TRPM6: variants seen among roughly 807,000 people sequenced by gnomAD.
TRPM6 encodes the protein transient receptor potential cation channel subfamily M member 6.
In TRPM6, 111 loss-of-function variants were observed where a neutral mutation model predicts 247.6. That is an observed-to-expected ratio of 0.45 (90% confidence interval 0.38 to 0.52). The LOEUF is 0.52. Among genes scored for constraint, TRPM6 ranks in the 20% least tolerant of loss-of-function variants. The pLI, the probability that TRPM6 is intolerant of heterozygous loss-of-function variation, is 0.00. For synonymous variants in TRPM6, 892 were observed against 853.8 expected, an observed-to-expected ratio of 1.04 and a Z score of -0.78; for missense variants, 2,126 against 2,421.5, an observed-to-expected ratio of 0.88 and a Z score of 2.56.
At chr9:74,745,890 T>C (rs1335563738) in intron 31 of TRPM6, among the ~76,000 whole-genome samples, 1 of 152,140 alleles carries the variant, frequency 6.6e-6, no homozygotes, top group Non-Finnish European at 1.5e-5. Context: ...AAAAGACTAC[T>C]AGAGAACAAT....
chr9:74,851,574 C>T (rs982259894), intron 3 of TRPM6, among the ~76,000 whole-genome samples: 1 of 151,300 alleles, frequency 6.6e-6, no homozygotes, highest in African/African-American at 2.4e-5. Flanking sequence ...ATGGTGAAAC[C>T]CCATCTCTGC....
chr9:74,738,312 T>C (rs984938386), intron 36 of TRPM6, 95 bp downstream of exon 36: 3 of 1,311,338 alleles, frequency 2.3e-6, no homozygotes, highest in Admixed American at 3.5e-5. Flanking sequence ...CAAAGCTAAA[T>C]AGAGCAACTC....
chr9:74,759,314 GAAAGA>G (rs1000860463), intron 27 of TRPM6, among the ~76,000 whole-genome samples: 2 of 3,160 alleles, frequency 6.3e-4, no homozygotes, highest in Non-Finnish European at 1.2e-3. Context: ...TTTTGAAAAA[GAAAGA>G]AAAATTGACC....
intron 27 of TRPM6, among the ~76,000 whole-genome samples, chr9:74,758,390 G>A (rs1427653874): frequency 6.6e-6 from 1 of 151,990 alleles, no homozygotes; most frequent in African/African-American, 2.4e-5. Flanking sequence ...GAAAAGTTTA[G>A]CAAAATGAAT....
At chr9:74,783,189 A>G (rs1422794930) in intron 21 of TRPM6, among the ~76,000 whole-genome samples, 1 of 49,146 alleles carries the variant, frequency 2.0e-5, no homozygotes, top group East Asian at 4.0e-4. Context: ...TAGGAAAATA[A>G]AAAAAAAAAA....
At position 74,724,149 on chromosome 9, in the gene TRPM6, G is replaced by A. The variant is rs536043740; in HGVS notation, c.*464C>T. The A allele has an allele frequency of 5.2e-6, 1 of 193,654 alleles. No individual in the cohort carries two copies. Among genetic ancestry groups the A allele is most frequent in the African/African-American group, 2.3e-5 (1 of 42,626 alleles). 12.0% of individuals were successfully genotyped at this position (193,654 alleles called of 1,614,324 possible). On this transcript the variant is annotated 3_prime_UTR_variant, in exon 39 of 39. Transcript: ENST00000360774. ...GTCCTATGTTGTGGAAAAGACAGAG[G>A]AGGAAATCACATAACTTTTTATGAA...
At chr9:74,724,822 G>A (rs1427697873) in intron 38 of TRPM6, 76 bp from the exon 39 acceptor site, 2 of 1,591,356 alleles carry the variant, frequency 1.3e-6, no homozygotes, top group African/African-American at 1.3e-5. Flanking sequence ...TGGGACTTTA[G>A]GCTTTGCCAA....
At chr9:74,879,193 A>G (rs1831283318) in intron 1 of TRPM6, among the ~76,000 whole-genome samples, 1 of 151,894 alleles carries the variant, frequency 6.6e-6, no homozygotes, top group Non-Finnish European at 1.5e-5. Flanking sequence ...AAAATATATT[A>G]GAAAGCTTCA....
intron 38 of TRPM6, 44 bp from the exon 39 acceptor site, chr9:74,724,790 AC>A: frequency 6.2e-7 from 1 of 1,613,294 alleles, no homozygotes; most frequent in East Asian, 2.2e-5. Context: ...AACCCCAAGA[AC>A]CTACTGTTCA....
chr9:74,802,057 A>G lies in TRPM6; in HGVS notation c.1850T>C (p.Leu617Pro). Residue 617 changes from leucine (L) to proline (P), a missense_variant, in exon 16 of 39, where the codon CTG becomes CCG. Around this residue, in one of 3 missense-constraint regions of TRPM6, gnomAD observed 1,082 missense variants for 1,307.9 expected, o/e 0.83. Transcript: ENST00000360774. ...PYNDLLVWAV[L>P]MKRQKMAMFF... ...CATAGCCATCTTCTGCCTTTTCATC[A>G]GCACAGCCCAAACCAGCAGGTCATT... 6.2e-7 allele frequency: 1 copy of G among 1,614,162 alleles called. No individual in the cohort carries two copies. The highest frequency in any genetic ancestry group is 8.5e-7 in the Non-Finnish European group (1 of 1,180,034).
At position 74,750,644 on chromosome 9, in the gene TRPM6, A is replaced by G; in HGVS notation, c.5057+20T>C. 3 of 1,611,198 alleles carry G rather than the reference A, an allele frequency of 1.9e-6. No individual in the cohort carries two copies. Among genetic ancestry groups the G allele is most frequent in the Non-Finnish European group, 2.5e-6 (3 of 1,177,392 alleles). On this transcript the variant is annotated intron_variant, in intron 30 of 38. Coordinates refer to ENST00000360774, the MANE Select transcript of TRPM6 (RefSeq NM_017662.5). ...ATGGAAGCCAAAGATTCTTAAACAT[A>G]AACATTTAGAAATACTCACAGGGAG...
Position 74,786,085 on chromosome 9 carries a change from T to C in TRPM6, c.2708A>G (p.Lys903Arg). Residue 903 changes from lysine to arginine, a missense_variant, in exon 21 of 39, where the codon AAG (lysine) becomes AGG (arginine). Around this residue, in one of 3 missense-constraint regions of TRPM6, gnomAD observed 1,082 missense variants for 1,307.9 expected, o/e 0.83. Coordinates refer to ENST00000360774, the MANE Select transcript of TRPM6 (RefSeq NM_017662.5). ...GTTCCAGTACTCACTAATCCATACC[T>C]TCACCTTTTGGGTAAACTTCCCAGG... ...SEPGKFTQKV[K>R]VWISEYWNLT... The C allele has an allele frequency of 6.2e-7, 1 of 1,614,170 alleles. No homozygotes were observed. The highest frequency in any genetic ancestry group is 8.5e-7 in the Non-Finnish European group (1 of 1,180,024).
intron 1 of TRPM6, among the ~76,000 whole-genome samples, chr9:74,869,298 G>A (rs1375136492): frequency 2.0e-5 from 3 of 151,660 alleles, no homozygotes; most frequent in Non-Finnish European, 2.9e-5. Context: ...GTGAAACCCC[G>A]TCACTACTAA....
Position 74,752,064 on chromosome 9 carries a change from T to C in TRPM6, c.4998+213A>G, listed in dbSNP as rs143095847. The stretch of plus-strand genomic sequence containing the variant: ...ATAAATTATTGAGTGGATAGGTAAA[T>C]TGCATAAAGAAAAATGTCAAAGAAA... On this transcript the variant is annotated intron_variant, in intron 29 of 38. Transcript: ENST00000360774. 2.2e-3 allele frequency among the ~76,000 whole-genome samples: 332 copies of C among 152,194 alleles called. 1 individual carries two copies. Among genetic ancestry groups the C allele is most frequent in the African/African-American group, 7.5e-3 (310 of 41,500 alleles).
At chr9:74,777,767 G>A (rs377747996) in intron 23 of TRPM6, among the ~76,000 whole-genome samples, 8 of 152,188 alleles carry the variant, frequency 5.3e-5, no homozygotes, top group Admixed American at 3.9e-4. Flanking sequence ...TGCCAGGCCC[G>A]GGGACAGAAA....
chr9:74,828,827 C>T (rs207470266), intron 6 of TRPM6, among the ~76,000 whole-genome samples: 16 of 152,032 alleles, frequency 1.1e-4, no homozygotes, highest in African/African-American at 3.9e-4. Context: ...CGGGGTTTCA[C>T]GCCCAGCCTT....
intron 14 of TRPM6, 69 bp from the exon 15 acceptor site, chr9:74,803,955 A>G: frequency 1.0e-6 from 1 of 969,820 alleles, no homozygotes; most frequent in South Asian, 1.3e-5. Flanking sequence ...AAATAAAACA[A>G]AAGGAGGGGA....
At chr9:74,782,957 G>T in intron 21 of TRPM6, 104 bp from the exon 22 acceptor site, 1 of 1,136,614 alleles carries the variant, frequency 8.8e-7, no homozygotes, top group Non-Finnish European at 1.3e-6. Flanking sequence ...TAATAAGATT[G>T]TCTAGTCATT....
At chr9:74,737,550 G>T (rs1357920701) in intron 36 of TRPM6, 1 of 662,134 alleles carries the variant, frequency 1.5e-6, no homozygotes, top group South Asian at 1.6e-5. Context: ...AGAAATAAAA[G>T]AACAGTGAAA....
Sources: gnomAD v4.1 joint callset for allele counts (sites outside exome capture counted in the v4.1 genomes callset) on GRCh38, gnomAD v4.1.1 for gene constraint, gnomAD v4.1.1 regional missense constraint, MANE v1.5 for transcripts, NCBI Gene and HGNC (gene_info 2026-07-23, HGNC 2026-07-21) for gene names.